Variants in GLIS3 observed in about 807,000 individuals in gnomAD.
GLIS3 encodes GLIS family zinc finger 3.
A neutral mutation model predicts 78.6 loss-of-function variants in GLIS3; 53 were observed. That is an observed-to-expected ratio of 0.67 (90% CI 0.54 to 0.85). The LOEUF is 0.85. GLIS3 is among the 40% of genes least tolerant of loss of function. The pLI, the probability that GLIS3 is intolerant of heterozygous loss-of-function variation, is 0.00. For missense variants in GLIS3, 1,703 were observed against 1,231.1 expected (o/e 1.38, Z -5.74); for synonymous variants, 684 against 509.9 (o/e 1.34, Z -4.60).
At chr9:4,399,628 T>C in the GLIS3 span, among the ~76,000 whole-genome samples, 1 of 152,244 alleles carries the variant, frequency 6.6e-6, no homozygotes. Flanking sequence ...AGATAATTTA[T>C]ATCTAAATCT....
At chr9:4,164,510 G>A (rs757070417) in intron 2 of GLIS3, among the ~76,000 whole-genome samples, 1 of 152,170 alleles carries the variant, frequency 6.6e-6, no homozygotes, top group Non-Finnish European at 1.5e-5. Context: ...TAAGAGGTAG[G>A]ATTAACTCGA....
At chr9:4,278,194 G>A (rs1465278599) in intron 2 of GLIS3, among the ~76,000 whole-genome samples, 1 of 152,144 alleles carries the variant, frequency 6.6e-6, no homozygotes, top group African/African-American at 2.4e-5. Flanking sequence ...TATTTTAATT[G>A]GAACTCACTA....
intron 4 of GLIS3, among the ~76,000 whole-genome samples, chr9:4,070,166 G>C (rs373036113): frequency 6.6e-6 from 1 of 152,076 alleles, no homozygotes; most frequent in African/African-American, 2.4e-5. Context: ...AGATTTTGTG[G>C]TTGAGTCAGC....
chr9:4,293,302 TC>T (rs1484070379), intron 1 of GLIS3, among the ~76,000 whole-genome samples: 1 of 152,184 alleles, frequency 6.6e-6, no homozygotes, highest in Admixed American at 6.5e-5. Flanking sequence ...TCTTATTGTG[TC>T]CCCATCACAC....
chr9:4,391,550 GGT>G, the GLIS3 span, among the ~76,000 whole-genome samples: 11,237 of 145,560 alleles, frequency 0.077, 566 homozygotes, highest in East Asian at 0.25. Context: ...TTCTAAGAGG[GGT>G]GTGTGTGTGT....
chr9:4,094,776 T>C (rs1453932634), intron 4 of GLIS3, among the ~76,000 whole-genome samples: 1 of 152,240 alleles, frequency 6.6e-6, no homozygotes, highest in Admixed American at 6.5e-5. Flanking sequence ...TTAGATCCGA[T>C]GGCTTATTTT....
chr9:4,189,246 C>G lies in GLIS3; in HGVS notation c.389-63305G>C, dbSNP rs552760241. Among the ~76,000 whole-genome samples, 16 of 152,222 alleles carry G rather than the reference C, an allele frequency of 1.1e-4. No individual in the cohort carries two copies. The East Asian group carries it at 3.1e-3, about 29-fold the overall frequency. Reference sequence around the variant, plus strand: ...AACATCTTTATTTCTGCCTTCATTTCATTATGCACCCAGTAGTCATTCAGG... The same window carrying G: ...AACATCTTTATTTCTGCCTTCATTTGATTATGCACCCAGTAGTCATTCAGG... On this transcript the variant is annotated intron_variant, in intron 2 of 10. Coordinates refer to ENST00000381971, the MANE Select transcript of GLIS3 (RefSeq NM_001042413.2).
chr9:3,881,582 G>A (rs570637042), intron 7 of GLIS3, among the ~76,000 whole-genome samples: 1 of 152,260 alleles, frequency 6.6e-6, no homozygotes, highest in South Asian at 2.1e-4. Context: ...TTTGTAGCCT[G>A]CCACTCGCTC....
chr9:4,442,902 TAAG>T, the GLIS3 span, among the ~76,000 whole-genome samples: 1 of 152,192 alleles, frequency 6.6e-6, no homozygotes, highest in Non-Finnish European at 1.5e-5. Context: ...CACAAGCTCA[TAAG>T]AAGAGTTTAG....
chr9:4,123,286 G>GT (rs1832324770), intron 3 of GLIS3, among the ~76,000 whole-genome samples: 1 of 152,144 alleles, frequency 6.6e-6, no homozygotes, highest in Non-Finnish European at 1.5e-5. Context: ...AATGAATGGT[G>GT]TATTAGAAAA....
chr9:3,990,769 G>A (rs746845051), intron 4 of GLIS3, among the ~76,000 whole-genome samples: 4 of 152,110 alleles, frequency 2.6e-5, no homozygotes, highest in Admixed American at 6.6e-5. Context: ...ATAGCTAAAC[G>A]TATGTATATT....
At chr9:3,880,246 A>G (rs1821637153) in intron 7 of GLIS3, among the ~76,000 whole-genome samples, 1 of 152,094 alleles carries the variant, frequency 6.6e-6, no homozygotes, top group African/African-American at 2.4e-5. Context: ...ATCTCCCCCC[A>G]CTGTTGCCCG....
At chr9:4,276,267 C>A (rs1826969352) in intron 2 of GLIS3, among the ~76,000 whole-genome samples, 1 of 134,996 alleles carries the variant, frequency 7.4e-6, no homozygotes, top group Non-Finnish European at 1.5e-5. Context: ...CAGAGTAAGA[C>A]TGAAAGAAAA....
chr9:3,937,435 C>A lies in GLIS3; in HGVS notation c.1711-246G>T, dbSNP rs183713323. Among the ~76,000 whole-genome samples the A allele has an allele frequency of 1.2e-3, 179 of 152,242 alleles. 2 individuals are homozygous for A. Among genetic ancestry groups the A allele is most frequent in the African/African-American group, 4.2e-3 (176 of 41,560 alleles). On this transcript the variant is annotated intron_variant, in intron 4 of 10. Coordinates refer to ENST00000381971, the MANE Select transcript of GLIS3 (RefSeq NM_001042413.2). ...GTCCCAAACTGATTTCTGTGATTTA[C>A]TTATGTCAGAGAAAATTCACCGTGA...
chr9:3,851,507 C>T (rs769456546), intron 9 of GLIS3, among the ~76,000 whole-genome samples: 2 of 152,184 alleles, frequency 1.3e-5, no homozygotes, highest in African/African-American at 2.4e-5. Context: ...GTCAACAAAC[C>T]TGAGCTCTGG....
At chr9:4,437,402 CTGTA>C in the GLIS3 span, among the ~76,000 whole-genome samples, 8 of 124,338 alleles carry the variant, frequency 6.4e-5, no homozygotes, top group East Asian at 1.2e-3. Flanking sequence ...AGGTATTTGA[CTGTA>C]TGTATGTATG....
At chr9:4,045,838 G>A (rs1263479169) in intron 4 of GLIS3, among the ~76,000 whole-genome samples, 1 of 152,106 alleles carries the variant, frequency 6.6e-6, no homozygotes, top group African/African-American at 2.4e-5. Context: ...AGTACTCTTG[G>A]AAAATGAAAG....
At chr9:3,847,033 A>T (rs1419415952) in intron 9 of GLIS3, among the ~76,000 whole-genome samples, 3 of 152,032 alleles carry the variant, frequency 2.0e-5, no homozygotes, top group Non-Finnish European at 4.4e-5. Flanking sequence ...AAAATATAAA[A>T]ATTAGCCAGG....
chr9:4,277,565 T>G (rs1387395833), intron 2 of GLIS3, among the ~76,000 whole-genome samples: 1 of 152,194 alleles, frequency 6.6e-6, no homozygotes, highest in Non-Finnish European at 1.5e-5. Flanking sequence ...GATATTATTC[T>G]GTCTTTTTTG....
Sources: gnomAD v4.1 joint callset for allele counts (sites outside exome capture counted in the v4.1 genomes callset) on GRCh38, gnomAD v4.1.1 for gene constraint, MANE v1.5 for transcripts, NCBI Gene and HGNC (gene_info 2026-07-23, HGNC 2026-07-21) for gene names.